HSD17B13: variants seen among roughly 807,000 people sequenced by gnomAD.
The protein encoded by HSD17B13 is hydroxysteroid 17-beta dehydrogenase 13.
In HSD17B13, 26 loss-of-function variants were observed where a neutral mutation model predicts 31.1. The observed-to-expected ratio is 0.84, with a 90% CI of 0.61 to 1.16. The LOEUF (loss-of-function observed/expected upper bound fraction) is 1.16. Ranked by LOEUF, HSD17B13 falls within the 50% of genes most tolerant of loss-of-function variation. HSD17B13 has a pLI of 0.00. For synonymous variants in HSD17B13, 141 were observed against 133.7 expected (o/e 1.05, Z -0.38); for missense variants, 374 against 366.5 (o/e 1.02, Z -0.17).
chr4:87,304,501 G>C lies in HSD17B13; in HGVS notation c.*717C>G, dbSNP rs1008323802. 2 of 152,006 alleles carry C rather than the reference G, an allele frequency of 1.3e-5. No individual in the cohort carries two copies. The highest frequency in any genetic ancestry group is 4.8e-5 in the African/African-American group (2 of 41,364). The allele number at this position is 152,006 out of a possible 1,614,324, so 9.4% of individuals were successfully genotyped here. ...GATATATGAAAGCATAAATTACAAAGAAAAAGGTTATCATGGGGCTAGAAC... is the reference window on the plus strand; with the variant it reads ...GATATATGAAAGCATAAATTACAAACAAAAAGGTTATCATGGGGCTAGAAC... On this transcript the variant is annotated 3_prime_UTR_variant, in exon 7 of 7. Coordinates refer to ENST00000328546, the MANE Select transcript of HSD17B13 (RefSeq NM_178135.5).
chr4:87,305,636 C>T (rs896714010), intron 6 of HSD17B13, among the ~76,000 whole-genome samples: 8 of 152,052 alleles, frequency 5.3e-5, no homozygotes, highest in African/African-American at 1.9e-4. Flanking sequence ...TAAATTATTG[C>T]CTGAACACAG....
chr4:87,309,388 A>G (rs1355340963), intron 6 of HSD17B13, among the ~76,000 whole-genome samples: 1 of 131,088 alleles, frequency 7.6e-6, no homozygotes, highest in Non-Finnish European at 1.6e-5. Context: ...CTGTCTCAAA[A>G]AAAAAAAAAA....
chr4:87,307,773 T>C (rs1450962384), intron 6 of HSD17B13, among the ~76,000 whole-genome samples: 3 of 152,138 alleles, frequency 2.0e-5, no homozygotes, highest in Admixed American at 2.0e-4. Context: ...AGTGCTGGAA[T>C]TACAGGCGTG....
intron 6 of HSD17B13, among the ~76,000 whole-genome samples, chr4:87,307,992 G>A (rs142726186): frequency 2.6e-5 from 4 of 152,294 alleles, no homozygotes; most frequent in Admixed American, 2.6e-4. Flanking sequence ...CAAGGCTTAT[G>A]AAGTTAGTAT....
At chr4:87,317,248 C>T in intron 2 of HSD17B13, 25 bp from the exon 3 acceptor site, 1 of 1,612,236 alleles carries the variant, frequency 6.2e-7, no homozygotes, top group Non-Finnish European at 8.5e-7. Context: ...AGAACACTTT[C>T]ACTGGGTGTA....
intron 1 of HSD17B13, 90 bp downstream of exon 1, chr4:87,322,542 A>C: frequency 9.6e-7 from 1 of 1,043,958 alleles, no homozygotes; most frequent in South Asian, 1.4e-5. Flanking sequence ...AAAAACAAAA[A>C]TACAAAGATA....
rs778987472 is a variant in HSD17B13 at position 87,322,852 on chromosome 4, T to C, written c.-11A>G. 1.2e-6 allele frequency: 2 copies of C among 1,611,072 alleles called. No individual in the cohort carries two copies. Among genetic ancestry groups the C allele is most frequent in the Admixed American group, 1.7e-5 (1 of 59,968 alleles). On this transcript the variant is annotated 5_prime_UTR_variant, in exon 1 of 7. Transcript: ENST00000328546. ...TAGGATGATGTTCATGGCTTTGCTC[T>C]GTCCTCTTCCTTCTGGTTCAGTCCT...
At chr4:87,311,562 C>CT (rs1311977803) in intron 5 of HSD17B13, among the ~76,000 whole-genome samples, 2 of 152,094 alleles carry the variant, frequency 1.3e-5, no homozygotes, top group Non-Finnish European at 2.9e-5. Flanking sequence ...ATACTGAAGG[C>CT]TGTGTACATG....
rs184253800 is a variant in HSD17B13, at chr4:87,312,463, G to T, written c.695+1360C>A. On this transcript the variant is annotated intron_variant, in intron 5 of 6. Coordinates refer to ENST00000328546, the MANE Select transcript of HSD17B13 (RefSeq NM_178135.5). ...TCTAAAGGGCTGCTCTCAGGCTATA[G>T]GCCTCCGACTGTAGTCTTCAGTAAG... Among the ~76,000 whole-genome samples, 31 of 150,932 alleles carry T rather than the reference G, an allele frequency of 2.1e-4. No individual in the cohort carries two copies. The East Asian group carries it at 6.1e-3, about 30-fold the overall frequency.
chr4:87,317,703 C>G (rs1448088632), intron 2 of HSD17B13, among the ~76,000 whole-genome samples: 1 of 150,686 alleles, frequency 6.6e-6, no homozygotes, highest in Non-Finnish European at 1.5e-5. Flanking sequence ...ACCACCGCAC[C>G]TGGTCTAAAG....
rs893354684 is a variant in HSD17B13, at chr4:87,308,485, TAAAAAAA to T, written c.812+1751_812+1757del. ...TAACAGGGTGAAACCCCGTCTCTAC[TAAAAAAA>T]AAAAAAAAAAAAAAAAAAAAAAAAA... On this transcript the variant is annotated intron_variant, in intron 6 of 6. Coordinates refer to ENST00000328546, the MANE Select transcript of HSD17B13 (RefSeq NM_178135.5). Among the ~76,000 whole-genome samples, 206 of 33,212 alleles carry T rather than the reference TAAAAAAA, an allele frequency of 6.2e-3. 2 individuals are homozygous for T. Among genetic ancestry groups the T allele is most frequent in the African/African-American group, 0.012 (195 of 16,340 alleles). The allele number at this position is 33,212 out of a possible 152,430, so 21.8% of individuals were successfully genotyped here.
intron 5 of HSD17B13, among the ~76,000 whole-genome samples, chr4:87,312,973 T>C (rs1560748204): frequency 6.7e-6 from 1 of 149,624 alleles, no homozygotes; most frequent in Non-Finnish European, 1.5e-5. Context: ...GAAGGAGAAT[T>C]GCTTGAACCC....
intron 6 of HSD17B13, among the ~76,000 whole-genome samples, chr4:87,306,574 C>T (rs901962207): frequency 9.9e-5 from 15 of 152,024 alleles, no homozygotes; most frequent in African/African-American, 3.6e-4. Context: ...AAAAGGACAA[C>T]TGATGTCCAG....
At chr4:87,314,127 T>C (rs1389983103) in intron 4 of HSD17B13, among the ~76,000 whole-genome samples, 167 bp from the exon 5 acceptor site, 14 of 151,702 alleles carry the variant, frequency 9.2e-5, no homozygotes, top group African/African-American at 1.2e-4. Flanking sequence ...TTTTCTTACA[T>C]GATTAAGCAG....
chr4:87,322,655 A>G lies in HSD17B13; in HGVS notation c.187T>C (p.Leu63=). ...ACCTTATTAATATCCCACAGAACCA[A>G]TATGCTCTGTCGTTTTGCAAATTCA... ...TYEFAKRQSI[L]VLWDINKRGV... The change falls in exon 1 of 7, where the codon TTG becomes CTG. Residue 63 remains leucine (L), a synonymous_variant. Transcript: ENST00000328546. The G allele has an allele frequency of 6.2e-7, 1 of 1,613,594 alleles. No individual in the cohort carries two copies. Among genetic ancestry groups the G allele is most frequent in the Non-Finnish European group, 8.5e-7 (1 of 1,179,478 alleles).
Position 87,318,389 on chromosome 4 carries a change from A to G in HSD17B13, c.258T>C (p.Thr86=). The G allele has an allele frequency of 6.2e-7, 1 of 1,614,242 alleles. No individual in the cohort carries two copies. The highest frequency in any genetic ancestry group is 8.5e-7 in the Non-Finnish European group (1 of 1,180,036). The stretch of plus-strand genomic sequence containing the variant: ...TGCAGTCTACCACATACGCATGCGC[A>G]GTGACGCCTAGTTTTCGGCACTCAG... ...TAAECRKLGV[T]AHAYVVDCSN... The change falls in exon 2 of 7, where the codon ACT becomes ACC. Residue 86 remains threonine, a synonymous_variant. Coordinates refer to ENST00000328546, the MANE Select transcript of HSD17B13 (RefSeq NM_178135.5).
intron 1 of HSD17B13, among the ~76,000 whole-genome samples, chr4:87,319,969 A>G (rs1052952386): frequency 2.0e-5 from 3 of 152,236 alleles, no homozygotes; most frequent in East Asian, 3.8e-4. Flanking sequence ...CCGTCTCACA[A>G]TCTGTAAACT....
intron 5 of HSD17B13, among the ~76,000 whole-genome samples, chr4:87,311,955 T>C (rs1355455973): frequency 1.3e-5 from 2 of 152,178 alleles, no homozygotes; most frequent in Non-Finnish European, 2.9e-5. Context: ...ATCAATGCCT[T>C]AGCCCTTACT....
chr4:87,310,792 T>C (rs1395983512), intron 5 of HSD17B13, among the ~76,000 whole-genome samples: 1 of 152,196 alleles, frequency 6.6e-6, no homozygotes, highest in African/African-American at 2.4e-5. Flanking sequence ...CTGGATTGTT[T>C]TGAGGTCGTC....
Sources: allele counts gnomAD v4.1 joint callset (sites outside exome capture counted in the v4.1 genomes callset), GRCh38; gene constraint gnomAD v4.1.1; transcripts MANE v1.5; gene names NCBI Gene and HGNC (gene_info 2026-07-23, HGNC 2026-07-21).